Variants in PATZ1 observed in about 807,000 individuals in gnomAD.
The protein encoded by PATZ1 is POZ-, AT hook-, and zinc finger-containing protein 1.
In PATZ1, 9 loss-of-function variants were observed where a neutral mutation model predicts 46.2. The observed-to-expected ratio is 0.19, with a 90% CI of 0.12 to 0.34. The LOEUF (loss-of-function observed/expected upper bound fraction) is 0.34. Among genes scored for constraint, PATZ1 ranks in the 10% least tolerant of loss-of-function variants. PATZ1 has a pLI of 1.00. For synonymous variants in PATZ1, 426 were observed against 378.6 expected (o/e 1.13, Z -1.45); for missense variants, 632 against 923.0 (o/e 0.68, Z 4.08).
Position 31,327,399 on chromosome 22 carries a change from C to T in PATZ1, c.1646-90G>A. On this transcript the variant is annotated intron_variant, in intron 4 of 4. Transcript: ENST00000266269. The surrounding 1 kb of genome is among the most constrained non-coding windows in gnomAD (Gnocchi z 4.2). Reference sequence around the variant, plus strand: ...GGTCATGAGGGGCCAGCTCACAGACCTGTGGAGGGCAGCCATTGGCCAGCC... The same window carrying T: ...GGTCATGAGGGGCCAGCTCACAGACTTGTGGAGGGCAGCCATTGGCCAGCC... 9.1e-7 allele frequency: 1 copy of T among 1,098,698 alleles called. No homozygotes were observed. The highest frequency in any genetic ancestry group is 1.3e-6 in the Non-Finnish European group (1 of 767,556). 68.1% of individuals were successfully genotyped at this position (1,098,698 alleles called of 1,614,324 possible). A position where few individuals can be genotyped will look rare whatever the true frequency, so the allele number is the denominator to read the frequency against.
Position 31,344,490 on chromosome 22 carries a change from G to C in PATZ1, c.1113C>G (p.Asn371Lys). 6.2e-7 allele frequency: 1 copy of C among 1,614,236 alleles called. No homozygotes were observed. Among genetic ancestry groups the C allele is most frequent in the Non-Finnish European group, 8.5e-7 (1 of 1,180,036 alleles). Reference sequence around the variant, plus strand: ...CCCCAGAGTGGGACAGCTTGTGCCGGTTAAGATGATACACATCACGGAAGA... The same window carrying C: ...CCCCAGAGTGGGACAGCTTGTGCCGCTTAAGATGATACACATCACGGAAGA... ...GKIFRDVYHLNRHKLSHSGEK... is the reference protein window; with the variant it reads ...GKIFRDVYHLKRHKLSHSGEK... The change falls in exon 1 of 5, where the codon AAC becomes AAG. Residue 371 changes from asparagine (N) to lysine (K), a missense_variant. Physicochemically the swap from Asn to Lys is moderately conservative, Grantham distance 94. Around this residue, in one of 7 missense-constraint regions of PATZ1, gnomAD observed 55 missense variants for 169.0 expected, o/e 0.33. Transcript: ENST00000266269.
chr22:31,330,723 T>C lies in PATZ1; in HGVS notation c.1508-1799A>G, dbSNP rs547229953. On this transcript the variant is annotated intron_variant, in intron 3 of 4. Transcript: ENST00000266269. ...TCAAGATCATCATTAAAGTCTGATT[T>C]TTCACAAAAAAGTTTGTAACCTCCA... 3.9e-3 allele frequency among the ~76,000 whole-genome samples: 601 copies of C among 152,336 alleles called. 1 individual carries two copies. The highest frequency in any genetic ancestry group is 0.013 in the African/African-American group (556 of 41,586).
At chr22:31,343,035 T>C in intron 1 of PATZ1, 75 bp from the exon 2 acceptor site, 1 of 1,605,338 alleles carries the variant, frequency 6.2e-7, no homozygotes, top group Non-Finnish European at 8.5e-7. Flanking sequence ...TGCATACGTG[T>C]GTACACACAC....
In PATZ1 at chr22:31,344,805, G is replaced by A. The variant is rs922468410; in HGVS notation, c.798C>T (p.Gly266=). 4.4e-6 allele frequency: 7 copies of A among 1,609,170 alleles called. No individual in the cohort carries two copies. Among genetic ancestry groups the A allele is most frequent in the Non-Finnish European group, 5.9e-6 (7 of 1,177,484 alleles). ...GGTTGGCCTTCCTTGGGCGGCCCCG[G>A]CCTCGCTTGCCAGTCAGGGGAGGGG... The part of the protein sequence containing the change: ...SSAPPLTGKR[G]RGRPRKANLL... Residue 266 remains glycine (G), a synonymous_variant, in exon 1 of 5, where the codon GGC becomes GGT. Coordinates refer to ENST00000266269, the MANE Select transcript of PATZ1 (RefSeq NM_014323.3).
At position 31,326,476 on chromosome 22, in the gene PATZ1, T is replaced by G; in HGVS notation, c.*415A>C. The G allele has an allele frequency of 3.9e-6, 1 of 258,148 alleles. No homozygotes were observed. The allele number at this position is 258,148 out of a possible 1,614,324, so 16.0% of individuals were successfully genotyped here. On this transcript the variant is annotated 3_prime_UTR_variant, in exon 5 of 5. Coordinates refer to ENST00000266269, the MANE Select transcript of PATZ1 (RefSeq NM_014323.3). The stretch of plus-strand genomic sequence containing the variant: ...CCTAGTGTGGTTCTTTTGAAGGATA[T>G]GGGAAGGGAGGATGACGAACTAGAG...
At chr22:31,339,470 C>A (rs973795983) in intron 2 of PATZ1, among the ~76,000 whole-genome samples, 1 of 152,208 alleles carries the variant, frequency 6.6e-6, no homozygotes, top group Non-Finnish European at 1.5e-5. Context: ...CCTGGTCACA[C>A]AACCCAGGAG....
In PATZ1 at chr22:31,343,365, C is replaced by T. The variant is rs577988305; in HGVS notation, c.1272-405G>A. The T allele has an allele frequency of 5.0e-3, 4,961 of 989,140 alleles. 11 individuals carry two copies. The highest frequency in any genetic ancestry group is 5.6e-3 in the Non-Finnish European group (4,644 of 832,268). 61.3% of individuals were successfully genotyped at this position (989,140 alleles called of 1,614,324 possible). On this transcript the variant is annotated intron_variant, in intron 1 of 4. Transcript: ENST00000266269. ...TTAGAAACTCAGCAATCCCCTCCCC[C>T]AGCCTCTCCCGCCACGGGCAGCCAA...
In PATZ1 at chr22:31,345,532, G is replaced by A. The variant is rs2049642735; in HGVS notation, c.71C>T (p.Thr24Met). 3.1e-6 allele frequency: 5 copies of A among 1,613,072 alleles called. No individual in the cohort carries two copies. The South Asian group carries it at 3.3e-5, about 11-fold the overall frequency. Reference sequence around the variant, plus strand: ...CTGGTTCAGGTTGTGCAGCATCTCCGTGCTGTGTCTGCTCACCTGGTATGT... The same window carrying A: ...CTGGTTCAGGTTGTGCAGCATCTCCATGCTGTGTCTGCTCACCTGGTATGT... The part of the protein sequence containing the change: ...CYTYQVSRHS[T>M]EMLHNLNQQR... The change falls in exon 1 of 5, where the codon ACG becomes ATG. Residue 24 changes from threonine to methionine, a missense_variant. Coordinates refer to ENST00000266269, the MANE Select transcript of PATZ1 (RefSeq NM_014323.3). The surrounding 1 kb of genome is among the most constrained non-coding windows in gnomAD (Gnocchi z 7.4).
intron 3 of PATZ1, among the ~76,000 whole-genome samples, chr22:31,334,815 T>C (rs546274494): frequency 6.6e-6 from 1 of 152,082 alleles, no homozygotes; most frequent in Non-Finnish European, 1.5e-5. Flanking sequence ...CTGCACCCAC[T>C]AAGCAGGCTT....
At chr22:31,343,137 G>T in intron 1 of PATZ1, 177 bp from the exon 2 acceptor site, 1 of 1,365,678 alleles carries the variant, frequency 7.3e-7, no homozygotes, top group South Asian at 1.7e-5. Context: ...ACAGGCCCAG[G>T]CCTCTCTGCC....
In PATZ1 at chr22:31,346,294, G is replaced by A. The variant is rs2049660918; in HGVS notation, c.-692C>T. The A allele has an allele frequency of 6.5e-6, 1 of 154,232 alleles. No individual in the cohort carries two copies. Among genetic ancestry groups the A allele is most frequent in the Non-Finnish European group, 1.4e-5 (1 of 69,550 alleles). 9.6% of individuals were successfully genotyped at this position (154,232 alleles called of 1,614,324 possible). A position where few individuals can be genotyped will look rare whatever the true frequency, so the allele number is the denominator to read the frequency against. ...CAGGCCGGGAGAAGGCGGCGGCGGAGCGGCGGCTGTGCGGCCCCGGGCTCC... is the reference window on the plus strand; with the variant it reads ...CAGGCCGGGAGAAGGCGGCGGCGGAACGGCGGCTGTGCGGCCCCGGGCTCC... On this transcript the variant is annotated 5_prime_UTR_variant, in exon 1 of 5. Transcript: ENST00000266269.
At chr22:31,331,171 G>A (rs774411700) in intron 3 of PATZ1, among the ~76,000 whole-genome samples, 1 of 152,202 alleles carries the variant, frequency 6.6e-6, no homozygotes, top group African/African-American at 2.4e-5. Flanking sequence ...CTGTAGTCAG[G>A]AGTGAGGAGA....
rs2049397577 is a variant in PATZ1 at position 31,328,668 on chromosome 22, C to CT, written c.1645+118dup. The CT allele has an allele frequency of 1.0e-5, 9 of 868,642 alleles. No individual in the cohort carries two copies. Among genetic ancestry groups the CT allele is most frequent in the Admixed American group, 5.9e-5 (3 of 51,096 alleles). The allele number at this position is 868,642 out of a possible 1,614,324, so 53.8% of individuals were successfully genotyped here. On this transcript the variant is annotated intron_variant, in intron 4 of 4. Transcript: ENST00000266269. The surrounding 1 kb of genome is among the most constrained non-coding windows in gnomAD (Gnocchi z 4.8). ...CTGGAGGCCACTGCCACTCAGATCT[C>CT]TGAGTCTCCTCAAGGCAGCCAGAAA...
At chr22:31,329,799 G>A (rs1217254979) in intron 3 of PATZ1, among the ~76,000 whole-genome samples, 2 of 152,182 alleles carry the variant, frequency 1.3e-5, no homozygotes, top group African/African-American at 2.4e-5. Flanking sequence ...GCAGCCATGC[G>A]TCCAAGGATA....
intron 2 of PATZ1, chr22:31,341,276 A>G: frequency 7.0e-7 from 1 of 1,428,346 alleles, no homozygotes; most frequent in Non-Finnish European, 9.1e-7. Context: ...AAAGACTCCG[A>G]GTCACCCAGG....
chr22:31,335,954 T>G, intron 2 of PATZ1, 91 bp from the exon 3 acceptor site: 2 of 1,214,216 alleles, frequency 1.6e-6, no homozygotes, highest in South Asian at 2.7e-5. Context: ...AGGCAATTTC[T>G]GGCCATCACA....
At chr22:31,339,737 A>C (rs1022825094) in intron 2 of PATZ1, among the ~76,000 whole-genome samples, 3 of 152,214 alleles carry the variant, frequency 2.0e-5, no homozygotes, top group African/African-American at 7.2e-5. Context: ...AGGCACCCTG[A>C]GTGCAGGTCA....
intron 3 of PATZ1, among the ~76,000 whole-genome samples, chr22:31,334,119 G>A (rs2049479193): frequency 6.6e-6 from 1 of 152,226 alleles, no homozygotes; most frequent in African/African-American, 2.4e-5. Context: ...TGTTACAGCA[G>A]GTTTTGAGTT....
chr22:31,338,212 T>C (rs1176548597), intron 2 of PATZ1, among the ~76,000 whole-genome samples: 1 of 152,176 alleles, frequency 6.6e-6, no homozygotes, highest in African/African-American at 2.4e-5. Flanking sequence ...TGGGGGATTC[T>C]GATCTCTCCC....
Sources: gnomAD v4.1 joint callset for allele counts (sites outside exome capture counted in the v4.1 genomes callset) on GRCh38, gnomAD v4.1.1 for gene constraint, gnomAD v4.1.1 regional missense constraint, Gnocchi (gnomAD v3.1) non-coding constraint, MANE v1.5 for transcripts, NCBI Gene and HGNC (gene_info 2026-07-23, HGNC 2026-07-21) for gene names.